The following SCN2A variants were observed in gnomAD, a reference collection of about 807,000 sequenced individuals.
SCN2A encodes the protein sodium channel protein type 2 subunit alpha.
A neutral mutation model predicts 188.7 loss-of-function variants in SCN2A; 20 were observed. The ratio of observed to expected loss-of-function variants is 0.11; its 90% CI spans 0.07 to 0.15. SCN2A has a LOEUF of 0.15. Among genes scored for constraint, SCN2A ranks in the 10% least tolerant of loss-of-function variants. SCN2A has a pLI of 1.00. For synonymous variants in SCN2A, 804 were observed against 833.1 expected (o/e 0.97, Z 0.60); for missense variants, 1,278 against 2,445.0 (o/e 0.52, Z 10.07).
chr2:165,291,035 C>CTTTCTTTTTTTTTTTTTTT (rs1559339507), intron 1 of SCN2A, among the ~76,000 whole-genome samples: 1 of 79,940 alleles, frequency 1.3e-5, no homozygotes, highest in African/African-American at 4.5e-5. Flanking sequence ...TCTTTTCTTT[C>CTTTCTTTTTTTTTTTTTTT]TTTTTTTTTT....
intron 5 of SCN2A, 60 bp from the exon 6 acceptor site, chr2:165,309,292 A>T (rs767880177): frequency 1.2e-6 from 2 of 1,613,370 alleles, no homozygotes; most frequent in Admixed American, 3.3e-5. Context: ...TAGGCCCCTT[A>T]TATCTCCAAC....
intron 11 of SCN2A, among the ~76,000 whole-genome samples, chr2:165,319,941 C>T (rs1272364012): frequency 1.3e-5 from 2 of 152,144 alleles, no homozygotes; most frequent in African/African-American, 4.8e-5. Context: ...CATGCCTTCC[C>T]AACAGTCCCC....
intron 1 of SCN2A, chr2:165,269,893 C>T (rs1466108412): frequency 7.2e-5 from 11 of 151,908 alleles, no homozygotes. Flanking sequence ...CATTTCTTAT[C>T]AGTGATAATT....
At chr2:165,241,407 G>C (rs1415160241) in intron 1 of SCN2A, among the ~76,000 whole-genome samples, 1 of 152,124 alleles carries the variant, frequency 6.6e-6, no homozygotes, top group African/African-American at 2.4e-5. Flanking sequence ...CTACCTAATA[G>C]AAAAGATTGT....
At chr2:165,367,827 G>A (rs536129101) in intron 19 of SCN2A, among the ~76,000 whole-genome samples, 1 of 152,308 alleles carries the variant, frequency 6.6e-6, no homozygotes, top group South Asian at 2.1e-4. Context: ...CTGGGTGCAG[G>A]AGCCAAGGCA....
At chr2:165,372,475 T>C (rs1440069896) in intron 20 of SCN2A, 1 of 152,070 alleles carries the variant, frequency 6.6e-6, no homozygotes, top group Non-Finnish European at 1.5e-5. Flanking sequence ...TTATATAATT[T>C]TAATAATTTT....
intron 1 of SCN2A, among the ~76,000 whole-genome samples, chr2:165,256,007 T>TC (rs1347305446): frequency 1.4e-5 from 2 of 140,812 alleles, no homozygotes; most frequent in East Asian, 2.0e-4. Context: ...TTTCTTTTTT[T>TC]TTTTTTTTTT....
chr2:165,281,390 A>G (rs1574492945), intron 1 of SCN2A, among the ~76,000 whole-genome samples: 1 of 152,038 alleles, frequency 6.6e-6, no homozygotes, highest in Non-Finnish European at 1.5e-5. Flanking sequence ...TTGAGCAAAG[A>G]CTAGTAGGTG....
At chr2:165,325,375 T>G (rs1390268349) in intron 12 of SCN2A, among the ~76,000 whole-genome samples, 1 of 152,170 alleles carries the variant, frequency 6.6e-6, no homozygotes, top group Non-Finnish European at 1.5e-5. Flanking sequence ...ACTGTACTAT[T>G]GCAAAGTTGA....
chr2:165,370,732 A>G, intron 20 of SCN2A: 1 of 175,642 alleles, frequency 5.7e-6, no homozygotes, highest in South Asian at 1.3e-4. Context: ...TTGAAAGTCC[A>G]AAAAGCAAGA....
intron 13 of SCN2A, among the ~76,000 whole-genome samples, chr2:165,329,380 G>GT (rs1471958358): frequency 2.6e-5 from 4 of 152,166 alleles, no homozygotes; most frequent in African/African-American, 9.7e-5. Flanking sequence ...CAGATTTACT[G>GT]TAAGTGATTC....
intron 26 of SCN2A, 92 bp from the exon 27 acceptor site, chr2:165,388,537 T>C: frequency 6.4e-7 from 1 of 1,551,478 alleles, no homozygotes; most frequent in Non-Finnish European, 8.8e-7. Flanking sequence ...AACTGTCCTG[T>C]TCACATTTTG....
chr2:165,357,575 C>A (rs1266812526), intron 17 of SCN2A, among the ~76,000 whole-genome samples: 2 of 152,110 alleles, frequency 1.3e-5, no homozygotes, highest in East Asian at 3.9e-4. Flanking sequence ...CATTTAAAAT[C>A]ATGTCATAAT....
At chr2:165,259,270 A>G (rs1038224708) in intron 1 of SCN2A, among the ~76,000 whole-genome samples, 1 of 152,332 alleles carries the variant, frequency 6.6e-6, no homozygotes, top group East Asian at 1.9e-4. Flanking sequence ...CTGGATGTCA[A>G]TGGCTGCTGA....
chr2:165,317,938 G>A (rs1428681568), intron 11 of SCN2A, among the ~76,000 whole-genome samples: 1 of 151,968 alleles, frequency 6.6e-6, no homozygotes, highest in Non-Finnish European at 1.5e-5. Flanking sequence ...AGAGAGAGGG[G>A]GGAAAGGAGA....
chr2:165,326,695 A>G (rs1698376234), intron 12 of SCN2A, among the ~76,000 whole-genome samples, 157 bp from the exon 13 acceptor site: 1 of 152,092 alleles, frequency 6.6e-6, no homozygotes, highest in African/African-American at 2.4e-5. Context: ...CTTTTAAACA[A>G]CCCCCAAAGA....
chr2:165,377,973 C>G (rs555380649), intron 23 of SCN2A, among the ~76,000 whole-genome samples: 1 of 151,762 alleles, frequency 6.6e-6, no homozygotes, highest in East Asian at 1.9e-4. Context: ...TAGAAGTTCT[C>G]ACAGGCAATA....
chr2:165,360,867 A>T (rs1443571004), intron 17 of SCN2A, among the ~76,000 whole-genome samples: 1 of 151,954 alleles, frequency 6.6e-6, no homozygotes, highest in African/African-American at 2.4e-5. Context: ...ACCATAAATT[A>T]TGCCTAGATT....
intron 7 of SCN2A, among the ~76,000 whole-genome samples, chr2:165,311,567 A>G (rs1018388039): frequency 2.0e-5 from 3 of 152,122 alleles, no homozygotes; most frequent in Non-Finnish European, 4.4e-5. Context: ...CAGGAAATTA[A>G]GTTAAAATTG....
Sources: gnomAD v4.1 joint callset for allele counts (sites outside exome capture counted in the v4.1 genomes callset) on GRCh38, gnomAD v4.1.1 for gene constraint, MANE v1.5 for transcripts, NCBI Gene and HGNC (gene_info 2026-07-23, HGNC 2026-07-21) for gene names.